The following NRG3 variants were observed in gnomAD, a reference collection of about 807,000 sequenced individuals.
NRG3 encodes pro-neuregulin-3, membrane-bound isoform.
Under a neutral mutation model 66.9 loss-of-function variants are expected in NRG3, and 31 were observed. That is an observed-to-expected ratio of 0.46 (90% CI 0.35 to 0.63). NRG3 has a LOEUF of 0.63. NRG3 is among the 20% of genes least tolerant of loss of function. NRG3 has a pLI of 0.00. For synonymous variants in NRG3, 393 were observed against 359.4 expected (o/e 1.09, Z -1.06); for missense variants, 910 against 878.9 (o/e 1.04, Z -0.45).
At chr10:82,461,001 A>G (rs913615922) in intron 2 of NRG3, among the ~76,000 whole-genome samples, 6 of 152,142 alleles carry the variant, frequency 3.9e-5, no homozygotes, top group African/African-American at 9.7e-5. Context: ...TTGCTGGCTT[A>G]CACCACCACT....
Position 82,243,935 on chromosome 10 carries a change from A to C in NRG3, c.824-114804A>C, listed in dbSNP as rs528530222. Reference sequence around the variant, plus strand: ...GGAGAAATTTCTGCTTGAGGTGAAGATCTGTCTGGAAATTTTTGTTAGACT... The same window carrying C: ...GGAGAAATTTCTGCTTGAGGTGAAGCTCTGTCTGGAAATTTTTGTTAGACT... On this transcript the variant is annotated intron_variant, in intron 1 of 8. Coordinates refer to ENST00000372141, the MANE Select transcript of NRG3 (RefSeq NM_001010848.4). Among the ~76,000 whole-genome samples the C allele has an allele frequency of 2.0e-5, 3 of 152,290 alleles. No individual in the cohort carries two copies. In the East Asian group the frequency reaches 5.8e-4, roughly 29 times the overall value.
intron 4 of NRG3, among the ~76,000 whole-genome samples, chr10:82,925,072 C>G (rs1049330712): frequency 3.3e-5 from 5 of 152,054 alleles, no homozygotes; most frequent in African/African-American, 1.2e-4. Context: ...ACATAAGCAC[C>G]CCCATTTTAC....
chr10:82,933,936 G>T (rs188738647), intron 4 of NRG3, among the ~76,000 whole-genome samples: 63 of 152,206 alleles, frequency 4.1e-4, no homozygotes, highest in Non-Finnish European at 8.2e-4. Flanking sequence ...AAAAGATAAT[G>T]GTCTTGAGTA....
At chr10:82,444,291 C>T (rs200526489) in intron 2 of NRG3, among the ~76,000 whole-genome samples, 3 of 152,014 alleles carry the variant, frequency 2.0e-5, no homozygotes, top group African/African-American at 7.2e-5. Context: ...TTAGTAGAGA[C>T]GGGGTTTCAC....
At chr10:81,906,232 C>G (rs920757976) in intron 1 of NRG3, among the ~76,000 whole-genome samples, 1 of 151,986 alleles carries the variant, frequency 6.6e-6, no homozygotes, top group Non-Finnish European at 1.5e-5. Context: ...TCATCATCAT[C>G]ATGTTCATTG....
At chr10:82,942,955 AAGTTAAAAAAAATG>A (rs1848696834) in intron 4 of NRG3, among the ~76,000 whole-genome samples, 1 of 152,160 alleles carries the variant, frequency 6.6e-6, no homozygotes, top group Admixed American at 6.5e-5. Context: ...GTGAAAGTAC[AAGTTAAAAAAAATG>A]AGTTAAAAAA....
At chr10:82,952,471 CTG>C (rs60100337) in intron 5 of NRG3, among the ~76,000 whole-genome samples, 24,924 of 97,868 alleles carry the variant, frequency 0.25, 3,103 homozygotes, top group African/African-American at 0.29. Context: ...CTCTCTCTCT[CTG>C]TGTGTGTGTG....
chr10:82,942,068 T>A (rs779373340), intron 4 of NRG3, among the ~76,000 whole-genome samples: 1 of 151,814 alleles, frequency 6.6e-6, no homozygotes, highest in Non-Finnish European at 1.5e-5. Flanking sequence ...TTTATGGACA[T>A]CATAGTTGAG....
Position 82,973,884 on chromosome 10 carries a change from G to C in NRG3, c.1381G>C (p.Asp461His). ...PQSFPEVPSP[D>H]RGSQSVKHHR... ...GTCATTCCCTGAGGTCCCTTCTCCTGACAGAGGAAGCCAGTCTGTCAAACA... is the reference window on the plus strand; with the variant it reads ...GTCATTCCCTGAGGTCCCTTCTCCTCACAGAGGAAGCCAGTCTGTCAAACA... The change falls in exon 7 of 9, where the codon GAC becomes CAC. Residue 461 changes from aspartate to histidine, a missense_variant. Asp to His is a moderately conservative substitution (Grantham distance 81). Transcript: ENST00000372141. The C allele has an allele frequency of 6.2e-7, 1 of 1,614,054 alleles. No homozygotes were observed. Among genetic ancestry groups the C allele is most frequent in the Non-Finnish European group, 8.5e-7 (1 of 1,179,968 alleles).
At chr10:81,972,606 A>G (rs563548395) in intron 1 of NRG3, among the ~76,000 whole-genome samples, 6 of 152,296 alleles carry the variant, frequency 3.9e-5, no homozygotes, top group Admixed American at 2.0e-4. Flanking sequence ...AATAGAAACT[A>G]TCATGAAATA....
rs571599263 is a variant in NRG3 at position 82,828,224 on chromosome 10, TA to T, written c.1028-37179del. ...GGCTTTAACAAAATATATTTGATTATAAAAAAAACTTCTGCTAGGAATGTAC... is the reference window on the plus strand; with the variant it reads ...GGCTTTAACAAAATATATTTGATTATAAAAAAACTTCTGCTAGGAATGTAC... On this transcript the variant is annotated intron_variant, in intron 3 of 8. Coordinates refer to ENST00000372141, the MANE Select transcript of NRG3 (RefSeq NM_001010848.4). 4.9e-4 allele frequency among the ~76,000 whole-genome samples: 74 copies of T among 152,162 alleles called. 1 individual carries two copies. The South Asian group carries it at 0.012, about 26-fold the overall frequency.
chr10:81,995,612 T>A (rs895637275), intron 1 of NRG3, among the ~76,000 whole-genome samples: 1 of 152,254 alleles, frequency 6.6e-6, no homozygotes. Flanking sequence ...TTGTGTTGGC[T>A]GTTCCTGGTA....
chr10:82,750,037 G>A (rs2058800714), intron 3 of NRG3, among the ~76,000 whole-genome samples: 2 of 152,150 alleles, frequency 1.3e-5, no homozygotes, highest in South Asian at 4.1e-4. Flanking sequence ...AAATTCAGAG[G>A]AAAACCATAA....
chr10:82,879,467 C>CTG (rs1842105134), intron 4 of NRG3, among the ~76,000 whole-genome samples: 1 of 121,846 alleles, frequency 8.2e-6, no homozygotes, highest in Non-Finnish European at 1.7e-5. Context: ...CTAATGAAGA[C>CTG]TTTTTTTTTT....
At chr10:82,066,743 A>G (rs1173777762) in intron 1 of NRG3, among the ~76,000 whole-genome samples, 1 of 152,190 alleles carries the variant, frequency 6.6e-6, no homozygotes, top group Non-Finnish European at 1.5e-5. Context: ...TAATGTTCTT[A>G]GGACCAGTAA....
chr10:82,589,900 G>A (rs1156513608), intron 2 of NRG3, among the ~76,000 whole-genome samples: 2 of 152,154 alleles, frequency 1.3e-5, no homozygotes, highest in Admixed American at 6.5e-5. Context: ...TTCTGCAACT[G>A]TGGAAATGGC....
intron 1 of NRG3, among the ~76,000 whole-genome samples, chr10:82,243,642 A>C (rs1010761838): frequency 6.6e-6 from 1 of 152,200 alleles, no homozygotes; most frequent in Non-Finnish European, 1.5e-5. Context: ...GAAAATAACT[A>C]TCTTTCGGTC....
chr10:82,644,384 G>A (rs2133835875), intron 2 of NRG3, among the ~76,000 whole-genome samples: 1 of 152,202 alleles, frequency 6.6e-6, no homozygotes, highest in South Asian at 2.1e-4. Context: ...AACCACTGGT[G>A]ATATCTATGC....
At chr10:82,736,967 C>T (rs776841687) in intron 2 of NRG3, among the ~76,000 whole-genome samples, 11 of 152,000 alleles carry the variant, frequency 7.2e-5, no homozygotes, top group East Asian at 1.9e-4. Context: ...CACCATGGTA[C>T]GATAATTCTG....
Sources: allele counts gnomAD v4.1 joint callset (sites outside exome capture counted in the v4.1 genomes callset), GRCh38; gene constraint gnomAD v4.1.1; transcripts MANE v1.5; gene names NCBI Gene and HGNC (gene_info 2026-07-23, HGNC 2026-07-21).